The following ATE1 variants were observed in gnomAD, a reference collection of about 807,000 sequenced individuals.
The protein encoded by ATE1 is arginyltransferase 1, also known as arginyl-tRNA--protein transferase 1.
In ATE1, 36 loss-of-function variants were observed where a neutral mutation model predicts 70.5. The observed-to-expected ratio is 0.51, with a 90% CI of 0.39 to 0.67. ATE1 has a LOEUF of 0.67. ATE1 is among the 30% of genes least tolerant of loss of function. ATE1 has a pLI of 0.00. For synonymous variants in ATE1, 232 were observed against 219.3 expected, an observed-to-expected ratio of 1.06 and a Z score of -0.51; for missense variants, 593 against 629.5, an observed-to-expected ratio of 0.94 and a Z score of 0.62.
chr10:121,924,420 T>C (rs75962930), intron 1 of ATE1, 91 bp from the exon 2 acceptor site: 5 of 1,269,550 alleles, frequency 3.9e-6, no homozygotes, highest in Middle Eastern at 2.0e-4. Flanking sequence ...GGAGTGTGTG[T>C]CCGGGCACGG....
intron 11 of ATE1, among the ~76,000 whole-genome samples, chr10:121,785,694 A>G (rs1448252310): frequency 6.6e-6 from 1 of 152,186 alleles, no homozygotes; most frequent in Non-Finnish European, 1.5e-5. Context: ...GCTTCTTTAC[A>G]TTAGTTTAGA....
At chr10:121,864,341 G>T (rs1222527052) in intron 8 of ATE1, among the ~76,000 whole-genome samples, 2 of 152,196 alleles carry the variant, frequency 1.3e-5, no homozygotes, top group African/African-American at 4.8e-5. Flanking sequence ...AGTTCACAAT[G>T]GGGTTCATGC....
chr10:121,805,289 A>T (rs1217565055), intron 10 of ATE1, among the ~76,000 whole-genome samples: 1 of 152,242 alleles, frequency 6.6e-6, no homozygotes, highest in Non-Finnish European at 1.5e-5. Flanking sequence ...CTACAACTTG[A>T]AGTTACTAAC....
chr10:121,783,529 AG>A (rs891908379), intron 11 of ATE1, among the ~76,000 whole-genome samples: 2 of 18,996 alleles, frequency 1.1e-4, no homozygotes, highest in Non-Finnish European at 3.6e-4. Context: ...TCTAACTGGC[AG>A]CACTTTTTTT....
upstream of ATE1, chr10:121,928,409 T>C (rs2134692728): frequency 6.5e-7 from 1 of 1,527,300 alleles, no homozygotes; most frequent in South Asian, 1.2e-5. Flanking sequence ...CCTGAGGCCC[T>C]TGTATTCCAC....
At chr10:121,818,121 G>A (rs557848184) in intron 10 of ATE1, among the ~76,000 whole-genome samples, 13 of 151,874 alleles carry the variant, frequency 8.6e-5, no homozygotes, top group African/African-American at 2.4e-4. Flanking sequence ...AAAATTAGCC[G>A]GGAATGATGG....
At chr10:121,923,935 G>C (rs1394705652) in intron 2 of ATE1, among the ~76,000 whole-genome samples, 2 of 152,156 alleles carry the variant, frequency 1.3e-5, no homozygotes, top group African/African-American at 2.4e-5. Context: ...CTATTGATAG[G>C]ATAAATGTCA....
At chr10:121,906,191 C>A (rs927023159) in intron 5 of ATE1, among the ~76,000 whole-genome samples, 17 of 152,106 alleles carry the variant, frequency 1.1e-4, no homozygotes, top group African/African-American at 3.9e-4. Context: ...CACAGGAGTT[C>A]CAGACCAGCC....
At chr10:121,842,892 C>T (rs1423199305) in intron 8 of ATE1, among the ~76,000 whole-genome samples, 1 of 152,116 alleles carries the variant, frequency 6.6e-6, no homozygotes, top group East Asian at 1.9e-4. Flanking sequence ...ACCCACAGCT[C>T]ACAGCATACT....
At chr10:121,814,022 G>T (rs538734442) in intron 10 of ATE1, among the ~76,000 whole-genome samples, 1 of 152,274 alleles carries the variant, frequency 6.6e-6, no homozygotes, top group East Asian at 1.9e-4. Flanking sequence ...AAGGGGTGTG[G>T]GCATGGCGGA....
intron 8 of ATE1, among the ~76,000 whole-genome samples, chr10:121,861,289 T>G (rs1468432350): frequency 2.6e-5 from 4 of 152,132 alleles, no homozygotes; most frequent in Non-Finnish European, 5.9e-5. Flanking sequence ...CATTTTTTAT[T>G]TAATGTTTAG....
chr10:121,866,495 T>A (rs1949667549), intron 8 of ATE1, among the ~76,000 whole-genome samples: 1 of 151,764 alleles, frequency 6.6e-6, no homozygotes, highest in Non-Finnish European at 1.5e-5. Flanking sequence ...CACCAAAGAG[T>A]GAAACTTCCA....
intron 7 of ATE1, among the ~76,000 whole-genome samples, chr10:121,895,788 A>G (rs1950757615): frequency 1.3e-5 from 2 of 152,142 alleles, no homozygotes; most frequent in Non-Finnish European, 2.9e-5. Context: ...ACGTGGTGGC[A>G]CATGCCTGTA....
At chr10:121,865,392 C>T (rs1949627937) in intron 8 of ATE1, among the ~76,000 whole-genome samples, 3 of 152,296 alleles carry the variant, frequency 2.0e-5, no homozygotes, top group East Asian at 1.9e-4. Flanking sequence ...TCTCCTATAG[C>T]TCTCTACCTA....
At chr10:121,832,550 T>C (rs1023159722) in intron 10 of ATE1, among the ~76,000 whole-genome samples, 4 of 152,178 alleles carry the variant, frequency 2.6e-5, no homozygotes, top group Non-Finnish European at 4.4e-5. Context: ...CATAATGTTA[T>C]CATGGTAGTG....
At chr10:121,922,113 G>T (rs903808942) in intron 3 of ATE1, among the ~76,000 whole-genome samples, 7 of 152,136 alleles carry the variant, frequency 4.6e-5, no homozygotes, top group African/African-American at 1.7e-4. Flanking sequence ...GCTAAATTAA[G>T]AGGGTATTTT....
intron 10 of ATE1, among the ~76,000 whole-genome samples, chr10:121,791,110 T>C (rs1946438105): frequency 1.4e-5 from 2 of 142,598 alleles, no homozygotes; most frequent in South Asian, 4.3e-4. Flanking sequence ...TTTTTTTTTT[T>C]TGAGATAGAT....
intron 8 of ATE1, among the ~76,000 whole-genome samples, chr10:121,857,116 T>A (rs1281317780): frequency 2.0e-5 from 3 of 152,218 alleles, no homozygotes; most frequent in Non-Finnish European, 4.4e-5. Context: ...TTTTTAAAAA[T>A]TTCAACTTTT....
chr10:121,927,584 A>G, intron 1 of ATE1: 1 of 976,238 alleles, frequency 1.0e-6, no homozygotes, highest in Non-Finnish European at 1.2e-6. Flanking sequence ...AATCTACCCC[A>G]GACGGGCGTC....
Sources: gnomAD v4.1 joint callset for allele counts (sites outside exome capture counted in the v4.1 genomes callset) on GRCh38, gnomAD v4.1.1 for gene constraint, MANE v1.5 for transcripts, NCBI Gene and HGNC (gene_info 2026-07-23, HGNC 2026-07-21) for gene names.